Variants in DENND2B observed in about 807,000 individuals in gnomAD.
DENND2B encodes the protein DENN domain containing 2B.
Under a neutral mutation model 116.0 loss-of-function variants are expected in DENND2B, and 32 were observed. The observed-to-expected ratio is 0.28, with a 90% CI of 0.21 to 0.37. The LOEUF (loss-of-function observed/expected upper bound fraction) is 0.37. Among genes scored for constraint, DENND2B ranks in the 10% least tolerant of loss-of-function variants. The pLI, the probability that DENND2B is intolerant of heterozygous loss-of-function variation, is 1.00. For missense variants in DENND2B, 1,276 were observed against 1,477.7 expected, an observed-to-expected ratio of 0.86 and a Z score of 2.24; for synonymous variants, 588 against 583.9, an observed-to-expected ratio of 1.01 and a Z score of -0.10.
intron 4 of DENND2B, among the ~76,000 whole-genome samples, chr11:8,816,664 T>A (rs1341727259): frequency 6.6e-6 from 1 of 152,180 alleles, no homozygotes; most frequent in Admixed American, 6.5e-5. Flanking sequence ...ACAGTTTTCC[T>A]CTTCTGCCTG....
At chr11:8,732,787 A>ACACTG (rs1168685319) in intron 2 of DENND2B, among the ~76,000 whole-genome samples, 1 of 152,230 alleles carries the variant, frequency 6.6e-6, no homozygotes, top group Non-Finnish European at 1.5e-5. Flanking sequence ...GGATTTGCCA[A>ACACTG]CACTGCACAG....
intron 1 of DENND2B, among the ~76,000 whole-genome samples, chr11:8,751,209 C>T (rs1267134277): frequency 6.6e-6 from 1 of 152,170 alleles, no homozygotes; most frequent in Non-Finnish European, 1.5e-5. Context: ...CAGGCTGTAT[C>T]TAGCTAATCT....
intron 1 of DENND2B, among the ~76,000 whole-genome samples, chr11:8,761,210 G>C (rs939824054): frequency 6.6e-6 from 1 of 152,176 alleles, no homozygotes; most frequent in African/African-American, 2.4e-5. Context: ...AGGAAATCTA[G>C]TTGTTTCTCA....
At chr11:8,810,335 C>A (rs1248610225) in intron 1 of DENND2B, 182 bp downstream of exon 1, 1 of 152,102 alleles carries the variant, frequency 6.6e-6, no homozygotes, top group Non-Finnish European at 1.5e-5. Flanking sequence ...TTTGCAAAGT[C>A]AAGAAAATTG....
At chr11:8,820,705 T>C (rs905524546) in intron 4 of DENND2B, among the ~76,000 whole-genome samples, 5 of 152,200 alleles carry the variant, frequency 3.3e-5, no homozygotes, top group African/African-American at 1.2e-4. Flanking sequence ...CTAATCTATG[T>C]TATTAAGAAA....
upstream of DENND2B, among the ~76,000 whole-genome samples, chr11:8,811,771 T>C (rs888617605): frequency 2.6e-5 from 4 of 152,250 alleles, no homozygotes; most frequent in Non-Finnish European, 5.9e-5. Flanking sequence ...TCTTGCTCCA[T>C]TGCCCAAGCT....
At chr11:8,723,153 A>C (rs2046477887) in intron 4 of DENND2B, among the ~76,000 whole-genome samples, 1 of 151,726 alleles carries the variant, frequency 6.6e-6, no homozygotes, top group Non-Finnish European at 1.5e-5. Context: ...TTTGCTGCCC[A>C]GGACCCTGGG....
chr11:8,738,241 C>T (rs1304289710), intron 2 of DENND2B, among the ~76,000 whole-genome samples: 2 of 152,228 alleles, frequency 1.3e-5, no homozygotes, highest in East Asian at 1.9e-4. Flanking sequence ...CTCACAGTCT[C>T]GTCCCTATGC....
chr11:8,710,984 A>AC (rs771826183), intron 10 of DENND2B, 70 bp from the exon 11 acceptor site: 1 of 1,593,504 alleles, frequency 6.3e-7, no homozygotes, highest in Non-Finnish European at 8.6e-7. Flanking sequence ...AAGAATAGGG[A>AC]CCGTCATTTT....
At chr11:8,838,799 A>G (rs935835190) in intron 4 of DENND2B, among the ~76,000 whole-genome samples, 13 of 152,226 alleles carry the variant, frequency 8.5e-5, no homozygotes, top group Non-Finnish European at 1.5e-4. Context: ...ACTTAGGAGG[A>G]CTATCTTCAT....
chr11:8,759,793 TCTC>T lies in DENND2B; in HGVS notation c.-25-9071_-25-9069del, dbSNP rs763068682. On this transcript the variant is annotated intron_variant, in intron 1 of 19. Transcript: ENST00000313726. ...CTTCTTGCCAACTCCTTCCTGCACC[TCTC>T]CTCATCCATGGGCCCTGGCCAAGGA... 3.9e-5 allele frequency among the ~76,000 whole-genome samples: 6 copies of T among 152,276 alleles called. No homozygotes were observed. In the East Asian group the frequency reaches 9.7e-4, roughly 25 times the overall value.
At chr11:8,906,135 G>A (rs960164423) in intron 1 of DENND2B, among the ~76,000 whole-genome samples, 39 of 150,878 alleles carry the variant, frequency 2.6e-4, no homozygotes, top group African/African-American at 9.2e-4. Flanking sequence ...AAAAAATACT[G>A]AAATATACAC....
Position 8,743,838 on chromosome 11 carries a change from C to A in DENND2B, c.80+6783G>T, listed in dbSNP as rs935720815. On this transcript the variant is annotated intron_variant, in intron 2 of 19. Coordinates refer to ENST00000313726, the MANE Select transcript of DENND2B (RefSeq NM_213618.2). ...CATGGCTCACTGCAGCCTTGACCTCCCAGGCTCAAGCGATCCTCCCACCTC... is the reference window on the plus strand; with the variant it reads ...CATGGCTCACTGCAGCCTTGACCTCACAGGCTCAAGCGATCCTCCCACCTC... Among the ~76,000 whole-genome samples the A allele has an allele frequency of 6.9e-4, 105 of 152,054 alleles. 1 individual carries two copies. The highest frequency in any genetic ancestry group is 1.4e-3 in the East Asian group (7 of 5,160).
chr11:8,753,684 T>G (rs950456125), intron 1 of DENND2B, among the ~76,000 whole-genome samples: 1 of 151,898 alleles, frequency 6.6e-6, no homozygotes, highest in Non-Finnish European at 1.5e-5. Context: ...ACCAAGACAG[T>G]GCAGTACTGA....
chr11:8,732,313 A>G (rs910160989), intron 2 of DENND2B, among the ~76,000 whole-genome samples: 22 of 152,268 alleles, frequency 1.4e-4, no homozygotes, highest in African/African-American at 5.3e-4. Context: ...CATGTTTATT[A>G]TCTTCATTTT....
At chr11:8,799,185 T>C (rs775703141) in intron 1 of DENND2B, among the ~76,000 whole-genome samples, 6 of 152,130 alleles carry the variant, frequency 3.9e-5, no homozygotes, top group Admixed American at 1.3e-4. Context: ...TAGAGTTCAG[T>C]TGACAAAACC....
At chr11:8,852,010 G>A (rs1029774312) in intron 3 of DENND2B, among the ~76,000 whole-genome samples, 4 of 152,120 alleles carry the variant, frequency 2.6e-5, no homozygotes, top group East Asian at 1.9e-4. Flanking sequence ...GGAGAAAAAC[G>A]TTATAGGTAT....
chr11:8,816,936 C>A (rs1566010977), intron 4 of DENND2B, among the ~76,000 whole-genome samples: 1 of 152,200 alleles, frequency 6.6e-6, no homozygotes. Context: ...AGCAGAAAGA[C>A]TCCTTTCAGC....
chr11:8,766,182 GAGCCAAGAGGAGTTCCC>G (rs1191280361), intron 1 of DENND2B, among the ~76,000 whole-genome samples: 4 of 152,114 alleles, frequency 2.6e-5, no homozygotes, highest in Non-Finnish European at 4.4e-5. Flanking sequence ...TCTGTTCATG[GAGCCAAGAGGAGTTCCC>G]AGGGCAGGCC....
Sources: allele counts gnomAD v4.1 joint callset (sites outside exome capture counted in the v4.1 genomes callset), GRCh38; gene constraint gnomAD v4.1.1; transcripts MANE v1.5; gene names NCBI Gene and HGNC (gene_info 2026-07-23, HGNC 2026-07-21).